Variants in MARCHF1 observed in about 807,000 individuals in gnomAD.
MARCHF1 encodes the protein E3 ubiquitin-protein ligase MARCHF1.
MARCHF1 carries 40 observed loss-of-function variants against 54.2 expected under a neutral mutation model. The ratio of observed to expected loss-of-function variants is 0.74; its 90% CI spans 0.57 to 0.96. The LOEUF (loss-of-function observed/expected upper bound fraction) is 0.96, where lower values mean the gene tolerates loss of function less well. MARCHF1 is among the 40% of genes least tolerant of loss of function. The pLI, the probability that MARCHF1 is intolerant of heterozygous loss-of-function variation, is 0.00. For missense variants in MARCHF1, 586 were observed against 656.5 expected (o/e 0.89, Z 1.17); for synonymous variants, 236 against 236.3 (o/e 1.00, Z 0.01).
rs145001832 is a variant in MARCHF1 at position 163,878,629 on chromosome 4, G to C, written c.-38-24460C>G. 3.9e-5 allele frequency among the ~76,000 whole-genome samples: 6 copies of C among 152,258 alleles called. No individual in the cohort carries two copies. The East Asian group carries it at 1.2e-3, about 29-fold the overall frequency. ...GTGTATGTGAATCCATTTCTCTCTTGGATGGTGAGAAGGAATGTAGGGGAC... is the reference window on the plus strand; with the variant it reads ...GTGTATGTGAATCCATTTCTCTCTTCGATGGTGAGAAGGAATGTAGGGGAC... On this transcript the variant is annotated intron_variant, in intron 3 of 9. Transcript: ENST00000514618.
At chr4:164,368,054 G>C (rs1730928143) in intron 1 of MARCHF1, among the ~76,000 whole-genome samples, 1 of 136,026 alleles carries the variant, frequency 7.4e-6, no homozygotes, top group African/African-American at 2.7e-5. Context: ...TTTAAAAAAA[G>C]ACAATAAAAG....
intron 5 of MARCHF1, among the ~76,000 whole-genome samples, chr4:163,685,494 C>T (rs1483239322): frequency 6.6e-6 from 1 of 152,080 alleles, no homozygotes; most frequent in African/African-American, 2.4e-5. Context: ...CACTCTGTCA[C>T]CCAGGCTTGG....
chr4:163,761,995 T>C (rs1359318544), intron 4 of MARCHF1, among the ~76,000 whole-genome samples: 1 of 152,148 alleles, frequency 6.6e-6, no homozygotes, highest in Non-Finnish European at 1.5e-5. Context: ...CAAATAATAA[T>C]TTATTTTATT....
chr4:164,023,169 G>C (rs755582737), intron 2 of MARCHF1, among the ~76,000 whole-genome samples: 2 of 152,220 alleles, frequency 1.3e-5, no homozygotes, highest in Admixed American at 6.5e-5. Flanking sequence ...TCCCAATGCA[G>C]GGCCAGTAAT....
intron 9 of MARCHF1, chr4:163,530,194 A>C (rs1466375278): frequency 6.6e-6 from 1 of 152,000 alleles, no homozygotes; most frequent in African/African-American, 2.4e-5. Flanking sequence ...GTACCCTAAG[A>C]TTAACCAAAA....
chr4:164,178,396 G>T (rs1439285662), intron 1 of MARCHF1, among the ~76,000 whole-genome samples: 1 of 152,172 alleles, frequency 6.6e-6, no homozygotes, highest in African/African-American at 2.4e-5. Context: ...AGGAGAAAGT[G>T]CAGGAGCAAA....
chr4:163,779,377 C>CT (rs1164490610), intron 4 of MARCHF1, among the ~76,000 whole-genome samples: 4 of 152,062 alleles, frequency 2.6e-5, no homozygotes, highest in Non-Finnish European at 5.9e-5. Context: ...AATTGGAAGT[C>CT]TTTTTTTACT....
rs1416143812 is a variant in MARCHF1, at chr4:164,037,904, T to C, written c.-247-49195A>G. On this transcript the variant is annotated intron_variant, in intron 2 of 9. Coordinates refer to ENST00000514618, the MANE Select transcript of MARCHF1 (RefSeq NM_001394959.1). ...AAAAGTTACATATTGCATGATTCTATTTATATAATAATCTTGAAGTGATGA... is the reference window on the plus strand; with the variant it reads ...AAAAGTTACATATTGCATGATTCTACTTATATAATAATCTTGAAGTGATGA... Among the ~76,000 whole-genome samples the C allele has an allele frequency of 3.3e-5, 5 of 152,314 alleles. No individual in the cohort carries two copies. The East Asian group carries it at 9.6e-4, about 29-fold the overall frequency.
chr4:164,120,688 A>T (rs190842389), intron 1 of MARCHF1, among the ~76,000 whole-genome samples: 188 of 152,282 alleles, frequency 1.2e-3, no homozygotes, highest in African/African-American at 4.2e-3. Flanking sequence ...GAATTTAGAA[A>T]ATGATGCAAA....
intron 1 of MARCHF1, among the ~76,000 whole-genome samples, chr4:164,137,543 A>G (rs1285613285): frequency 6.6e-6 from 1 of 152,206 alleles, no homozygotes; most frequent in Non-Finnish European, 1.5e-5. Context: ...CAGATTTTTC[A>G]GCCAAATGCT....
At chr4:163,908,490 A>G (rs921014410) in intron 3 of MARCHF1, among the ~76,000 whole-genome samples, 4 of 152,218 alleles carry the variant, frequency 2.6e-5, no homozygotes, top group African/African-American at 9.6e-5. Flanking sequence ...TAAAATTCCA[A>G]GTTCATTAAA....
At chr4:163,671,939 T>A (rs1175683898) in intron 5 of MARCHF1, among the ~76,000 whole-genome samples, 1 of 152,220 alleles carries the variant, frequency 6.6e-6, no homozygotes, top group Admixed American at 6.5e-5. Context: ...TTATTTATTC[T>A]GTATTTTAGG....
intron 1 of MARCHF1, among the ~76,000 whole-genome samples, chr4:164,153,031 C>A (rs542725767): frequency 6.6e-6 from 1 of 152,180 alleles, no homozygotes; most frequent in South Asian, 2.1e-4. Context: ...CAGAACCTCC[C>A]GAAAGCTGTG....
chr4:163,969,683 C>T (rs998695148), intron 3 of MARCHF1, among the ~76,000 whole-genome samples: 12 of 152,258 alleles, frequency 7.9e-5, no homozygotes, highest in Middle Eastern at 3.4e-3. Flanking sequence ...ATATGCTACA[C>T]GCAACATGCT....
At chr4:163,706,211 T>G (rs1281096659) in intron 4 of MARCHF1, among the ~76,000 whole-genome samples, 1 of 152,014 alleles carries the variant, frequency 6.6e-6, no homozygotes, top group Non-Finnish European at 1.5e-5. Context: ...ATTTCTTACA[T>G]GCTTTTTTCC....
intron 8 of MARCHF1, among the ~76,000 whole-genome samples, chr4:163,583,353 GC>G (rs1489950384): frequency 6.6e-6 from 1 of 152,144 alleles, no homozygotes; most frequent in Non-Finnish European, 1.5e-5. Flanking sequence ...ATAATTTTAA[GC>G]CCCATGGCTC....
chr4:164,101,715 T>C (rs1310295805), intron 2 of MARCHF1, among the ~76,000 whole-genome samples: 1 of 129,550 alleles, frequency 7.7e-6, no homozygotes, highest in Non-Finnish European at 1.7e-5. Flanking sequence ...CCTCTCCTCC[T>C]CCAAAGGAAC....
intron 3 of MARCHF1, among the ~76,000 whole-genome samples, chr4:163,920,280 T>G (rs1751396237): frequency 1.3e-5 from 2 of 152,172 alleles, no homozygotes; most frequent in South Asian, 4.1e-4. Context: ...GACTTAATAT[T>G]GTTAATGTGT....
At chr4:164,099,504 CTTG>C (rs1334364468) in intron 2 of MARCHF1, among the ~76,000 whole-genome samples, 1 of 152,042 alleles carries the variant, frequency 6.6e-6, no homozygotes, top group Non-Finnish European at 1.5e-5. Context: ...AAAAGTCTCC[CTTG>C]TTGTCTCAGA....
Sources: gnomAD v4.1 joint callset for allele counts (sites outside exome capture counted in the v4.1 genomes callset) on GRCh38, gnomAD v4.1.1 for gene constraint, MANE v1.5 for transcripts, NCBI Gene and HGNC (gene_info 2026-07-23, HGNC 2026-07-21) for gene names.